Variants in MTREX observed in about 807,000 individuals in gnomAD.
MTREX encodes Mtr4 exosome RNA helicase.
Under a neutral mutation model 135.4 loss-of-function variants are expected in MTREX, and 76 were observed. That is an observed-to-expected ratio of 0.56 (90% CI 0.47 to 0.68). The LOEUF is 0.68. Ranked by LOEUF, MTREX falls within the 30% of genes least tolerant of loss-of-function variation. MTREX has a pLI of 0.00. For synonymous variants in MTREX, 404 were observed against 401.6 expected (o/e 1.01, Z -0.07); for missense variants, 920 against 1,262.1 (o/e 0.73, Z 4.11).
At chr5:55,345,834 A>C (rs182138544) in intron 10 of MTREX, among the ~76,000 whole-genome samples, 82 of 151,718 alleles carry the variant, frequency 5.4e-4, no homozygotes, top group Non-Finnish European at 1.1e-3. Flanking sequence ...TGCCTGGATA[A>C]TTTTTGTATT....
At chr5:55,331,686 C>T (rs922512443) in intron 5 of MTREX, among the ~76,000 whole-genome samples, 1 of 152,206 alleles carries the variant, frequency 6.6e-6, no homozygotes, top group African/African-American at 2.4e-5. Flanking sequence ...GTATTCTGCC[C>T]TGCAAACTCC....
At chr5:55,396,947 T>C (rs1264836464) in intron 19 of MTREX, among the ~76,000 whole-genome samples, 1 of 152,248 alleles carries the variant, frequency 6.6e-6, no homozygotes, top group Non-Finnish European at 1.5e-5. Flanking sequence ...ATAGGTGTTC[T>C]TCAAGATTAT....
chr5:55,368,841 A>T (rs900998973), intron 16 of MTREX, among the ~76,000 whole-genome samples: 3 of 152,252 alleles, frequency 2.0e-5, no homozygotes, highest in Non-Finnish European at 4.4e-5. Context: ...GTTTCTTAAA[A>T]TGTGAGCTGG....
intron 15 of MTREX, among the ~76,000 whole-genome samples, chr5:55,359,748 C>T (rs1749979134): frequency 6.6e-6 from 1 of 151,802 alleles, no homozygotes; most frequent in Non-Finnish European, 1.5e-5. Flanking sequence ...TTTTTCTTTC[C>T]TTGTACTGTG....
intron 10 of MTREX, 121 bp downstream of exon 10, chr5:55,345,317 A>G: frequency 1.5e-6 from 1 of 663,098 alleles, no homozygotes. Flanking sequence ...GATATGTGAT[A>G]AAATTGGATA....
chr5:55,361,985 C>T (rs1235069787), intron 15 of MTREX, among the ~76,000 whole-genome samples: 2 of 150,834 alleles, frequency 1.3e-5, no homozygotes, highest in East Asian at 2.0e-4. Flanking sequence ...GGTGCAGTCT[C>T]GGCTCACTGC....
intron 5 of MTREX, among the ~76,000 whole-genome samples, chr5:55,332,307 A>G (rs999820523): frequency 6.6e-6 from 1 of 152,202 alleles, no homozygotes; most frequent in Admixed American, 6.5e-5. Context: ...TTTACAATTT[A>G]TAACATATTT....
At chr5:55,348,108 A>G (rs1314812135) in intron 11 of MTREX, among the ~76,000 whole-genome samples, 2 of 152,204 alleles carry the variant, frequency 1.3e-5, no homozygotes, top group Admixed American at 6.5e-5. Context: ...TATGAAAGGC[A>G]GAAATTTATT....
In MTREX at chr5:55,397,386, C is replaced by T. The variant is rs375791250; in HGVS notation, c.2182-30C>T. ...AGAATATGAACATGTGCAAATTTAA[C>T]TGTAATACTGTATAACTTTTTGGTC... is the stretch of plus-strand genomic sequence containing the variant. On this transcript the variant is annotated intron_variant, in intron 19 of 26. Coordinates refer to ENST00000230640, the MANE Select transcript of MTREX (RefSeq NM_015360.5). 5 of 1,421,922 alleles carry T rather than the reference C, an allele frequency of 3.5e-6. No individual in the cohort carries two copies. In the African/African-American group the frequency reaches 4.2e-5, roughly 12 times the overall value. The allele number at this position is 1,421,922 out of a possible 1,614,324, so 88.1% of individuals were successfully genotyped here. A position where few individuals can be genotyped will look rare whatever the true frequency, so the allele number is the denominator to read the frequency against.
chr5:55,414,347 A>T, intron 24 of MTREX, 109 bp downstream of exon 24: 1 of 860,804 alleles, frequency 1.2e-6, no homozygotes. Context: ...CACAGAGATA[A>T]CCTATAAGGA....
At chr5:55,343,476 G>C in intron 8 of MTREX, 21 bp downstream of exon 8, 1 of 1,602,476 alleles carries the variant, frequency 6.2e-7, no homozygotes, top group Non-Finnish European at 8.5e-7. Context: ...CTCCTTTTTT[G>C]ATGTCTTCAA....
At chr5:55,346,977 G>T in intron 10 of MTREX, 36 bp from the exon 11 acceptor site, 1 of 1,541,088 alleles carries the variant, frequency 6.5e-7, no homozygotes, top group South Asian at 1.2e-5. Flanking sequence ...GATCTATTTT[G>T]AGTTAATTTT....
In MTREX at chr5:55,378,370, G is replaced by A; in HGVS notation, c.1867G>A (p.Val623Met). The A allele has an allele frequency of 1.9e-6, 3 of 1,610,210 alleles. No individual in the cohort carries two copies. Among genetic ancestry groups the A allele is most frequent in the Non-Finnish European group, 2.5e-6 (3 of 1,178,946 alleles). Residue 623 changes from valine to methionine, a missense_variant, in exon 17 of 27, where the codon GTG becomes ATG. Physicochemically the swap from Val to Met is conservative, Grantham distance 21. Transcript: ENST00000230640. Reference protein sequence around the residue: ...NKIVIPNEESVVIYYKIRQQL... With the variant: ...NKIVIPNEESMVIYYKIRQQL... ...AATAGTAATTCCCAATGAAGAAAGT[G>A]TGGTTATCTATTATAAGATTAGACA...
intron 3 of MTREX, among the ~76,000 whole-genome samples, chr5:55,325,340 T>G (rs1010987871): frequency 3.8e-5 from 3 of 79,988 alleles, no homozygotes; most frequent in African/African-American, 5.1e-5. Context: ...TTTTTTTTTG[T>G]TTTTTTTTTT....
intron 1 of MTREX, among the ~76,000 whole-genome samples, chr5:55,319,250 A>C (rs1361741838): frequency 1.3e-5 from 2 of 152,208 alleles, no homozygotes; most frequent in East Asian, 3.8e-4. Context: ...ACTGTTACCT[A>C]ATCAGACTTA....
chr5:55,365,686 G>A (rs1308270128), intron 15 of MTREX, among the ~76,000 whole-genome samples: 2 of 152,094 alleles, frequency 1.3e-5, no homozygotes, highest in Admixed American at 6.6e-5. Context: ...TACTTCTGAA[G>A]CATTTTTATT....
At chr5:55,348,678 C>G (rs1181710563) in intron 11 of MTREX, among the ~76,000 whole-genome samples, 1 of 152,074 alleles carries the variant, frequency 6.6e-6, no homozygotes, top group Non-Finnish European at 1.5e-5. Flanking sequence ...TCTAAAGCCA[C>G]TAATAGTTTG....
intron 18 of MTREX, among the ~76,000 whole-genome samples, chr5:55,384,019 C>G (rs1750439893): frequency 6.6e-6 from 1 of 152,178 alleles, no homozygotes; most frequent in Non-Finnish European, 1.5e-5. Flanking sequence ...AATCCTCCCG[C>G]CTTGGTCTCT....
At chr5:55,369,326 A>T (rs1424010039) in intron 16 of MTREX, among the ~76,000 whole-genome samples, 1 of 152,202 alleles carries the variant, frequency 6.6e-6, no homozygotes, top group Non-Finnish European at 1.5e-5. Context: ...TATTCCTCCT[A>T]AGCAGTTAGC....
Sources: allele counts gnomAD v4.1 joint callset (sites outside exome capture counted in the v4.1 genomes callset), GRCh38; gene constraint gnomAD v4.1.1; transcripts MANE v1.5; gene names NCBI Gene and HGNC (gene_info 2026-07-23, HGNC 2026-07-21).